Variants in PHACTR1 observed in about 807,000 individuals in gnomAD.
The protein encoded by PHACTR1 is phosphatase and actin regulator 1.
PHACTR1 carries 16 observed loss-of-function variants against 69.2 expected under a neutral mutation model. The observed-to-expected ratio is 0.23, with a 90% CI of 0.16 to 0.35. PHACTR1 has a LOEUF of 0.35. PHACTR1 is among the 10% of genes least tolerant of loss of function. The pLI, the probability that PHACTR1 is intolerant of heterozygous loss-of-function variation, is 1.00. For synonymous variants in PHACTR1, 312 were observed against 284.5 expected (o/e 1.10, Z -0.97); for missense variants, 510 against 734.7 (o/e 0.69, Z 3.54).
At chr6:13,124,092 A>T (rs954763012) in intron 5 of PHACTR1, among the ~76,000 whole-genome samples, 1 of 152,208 alleles carries the variant, frequency 6.6e-6, no homozygotes, top group African/African-American at 2.4e-5. Context: ...CATCAAAAGA[A>T]TCCAAGGGAT....
intron 4 of PHACTR1, among the ~76,000 whole-genome samples, chr6:13,017,231 CT>C (rs1361111397): frequency 1.4e-5 from 2 of 146,534 alleles, no homozygotes; most frequent in African/African-American, 5.1e-5. Context: ...AACCAAGACA[CT>C]TTCCACTGTA....
chr6:12,961,067 C>T (rs1424105773), intron 4 of PHACTR1, among the ~76,000 whole-genome samples: 1 of 152,094 alleles, frequency 6.6e-6, no homozygotes, highest in Non-Finnish European at 1.5e-5. Flanking sequence ...TCCACAGTTG[C>T]AGGGAAAGGG....
chr6:13,284,462 A>T (rs1269824494), intron 13 of PHACTR1, among the ~76,000 whole-genome samples: 2 of 138,292 alleles, frequency 1.4e-5, no homozygotes, highest in African/African-American at 5.5e-5. Context: ...GGTTGCAGTG[A>T]TCCAAGGTCA....
intron 5 of PHACTR1, among the ~76,000 whole-genome samples, chr6:13,062,395 C>T (rs551053280): frequency 6.6e-6 from 1 of 152,328 alleles, no homozygotes; most frequent in Non-Finnish European, 1.5e-5. Context: ...CTTCCCCTTT[C>T]CCACAGGGCT....
At chr6:12,792,186 C>G (rs776298210) in intron 4 of PHACTR1, among the ~76,000 whole-genome samples, 1 of 151,878 alleles carries the variant, frequency 6.6e-6, no homozygotes, top group Admixed American at 6.6e-5. Flanking sequence ...GAAAATGGGC[C>G]GGGCGCGGTG....
intron 4 of PHACTR1, among the ~76,000 whole-genome samples, chr6:12,971,510 G>A (rs1336365743): frequency 1.3e-5 from 2 of 152,174 alleles, no homozygotes; most frequent in Non-Finnish European, 2.9e-5. Context: ...TATGACCCAG[G>A]ACAAAAGTCT....
intron 4 of PHACTR1, among the ~76,000 whole-genome samples, chr6:12,914,178 G>T (rs1582453036): frequency 6.6e-6 from 1 of 152,030 alleles, no homozygotes; most frequent in East Asian, 1.9e-4. Flanking sequence ...TTTTGTATTT[G>T]TAGTAGAGAC....
chr6:13,284,799 G>A (rs1332493482), intron 13 of PHACTR1, among the ~76,000 whole-genome samples: 1 of 152,088 alleles, frequency 6.6e-6, no homozygotes, highest in African/African-American at 2.4e-5. Context: ...AAACATGTAT[G>A]CAGGCACATT....
In PHACTR1 at chr6:12,764,060, A is replaced by G. The variant is rs538496053; in HGVS notation, c.250+14270A>G. Among the ~76,000 whole-genome samples the G allele has an allele frequency of 3.9e-5, 6 of 152,266 alleles. No homozygotes were observed. In the South Asian group the frequency reaches 1.2e-3, roughly 32 times the overall value. ...CACACAGAGTTGAAATGGTGACACTAATTTGGAGAAGAAATCACATGTTGT... is the reference window on the plus strand; with the variant it reads ...CACACAGAGTTGAAATGGTGACACTGATTTGGAGAAGAAATCACATGTTGT... On this transcript the variant is annotated intron_variant, in intron 4 of 14. Coordinates refer to ENST00000332995, the MANE Select transcript of PHACTR1 (RefSeq NM_030948.6).
At chr6:12,897,816 C>T (rs1294243550) in intron 4 of PHACTR1, among the ~76,000 whole-genome samples, 3 of 151,960 alleles carry the variant, frequency 2.0e-5, no homozygotes, top group Admixed American at 6.6e-5. Flanking sequence ...CTGCACTCAT[C>T]AACCTATCAC....
At chr6:12,892,958 G>A (rs1323603245) in intron 4 of PHACTR1, among the ~76,000 whole-genome samples, 1 of 152,178 alleles carries the variant, frequency 6.6e-6, no homozygotes, top group Non-Finnish European at 1.5e-5. Flanking sequence ...GTAATGGTGG[G>A]ATTTCCAGGA....
intron 5 of PHACTR1, among the ~76,000 whole-genome samples, chr6:13,091,408 CA>C (rs1319414323): frequency 6.6e-6 from 1 of 152,150 alleles, no homozygotes; most frequent in Non-Finnish European, 1.5e-5. Context: ...TTGAATACTA[CA>C]GCTGTAGTTC....
intron 8 of PHACTR1, among the ~76,000 whole-genome samples, chr6:13,214,599 C>A (rs1033752199): frequency 2.0e-5 from 3 of 152,072 alleles, no homozygotes; most frequent in Non-Finnish European, 2.9e-5. Context: ...TAGACTAAAC[C>A]TGAAAGTTAA....
At chr6:13,111,887 AACTGTTAAGTTCAGGGCATATGT>A (rs1817095579) in intron 5 of PHACTR1, among the ~76,000 whole-genome samples, 1 of 151,662 alleles carries the variant, frequency 6.6e-6, no homozygotes, top group Non-Finnish European at 1.5e-5. Context: ...CATTTTTTTT[AACTGTTAAGTTCAGGGCATATGT>A]ACAGATTTGT....
intron 4 of PHACTR1, among the ~76,000 whole-genome samples, chr6:12,989,112 A>G (rs1416937870): frequency 6.6e-6 from 1 of 152,222 alleles, no homozygotes; most frequent in Non-Finnish European, 1.5e-5. Flanking sequence ...GTTGAATCCT[A>G]TACATGGTAA....
chr6:12,773,510 A>G (rs1581686275), intron 4 of PHACTR1, among the ~76,000 whole-genome samples: 1 of 152,198 alleles, frequency 6.6e-6, no homozygotes, highest in African/African-American at 2.4e-5. Context: ...AATTTTGCTT[A>G]TTCTGTTACT....
chr6:13,237,850 G>A (rs186956612), intron 10 of PHACTR1, among the ~76,000 whole-genome samples: 1 of 152,322 alleles, frequency 6.6e-6, no homozygotes, highest in Middle Eastern at 3.4e-3. Flanking sequence ...ACTGAATACT[G>A]TGGCAATTGT....
chr6:13,257,873 C>T (rs1775390043), intron 10 of PHACTR1, among the ~76,000 whole-genome samples: 1 of 152,118 alleles, frequency 6.6e-6, no homozygotes, highest in Admixed American at 6.5e-5. Context: ...GCTTGTAAAA[C>T]CAGCACAGAT....
chr6:13,084,102 T>C (rs182536635), intron 5 of PHACTR1, among the ~76,000 whole-genome samples: 4 of 152,090 alleles, frequency 2.6e-5, no homozygotes, highest in Admixed American at 6.6e-5. Context: ...CTATTCACAA[T>C]AGCAAAGACT....
Sources: allele counts gnomAD v4.1 joint callset (sites outside exome capture counted in the v4.1 genomes callset), GRCh38; gene constraint gnomAD v4.1.1; transcripts MANE v1.5; gene names NCBI Gene and HGNC (gene_info 2026-07-23, HGNC 2026-07-21).